The following RARS1 variants were observed in gnomAD, a reference collection of about 807,000 sequenced individuals.
The protein encoded by RARS1 is arginine--tRNA ligase, cytoplasmic.
Under a neutral mutation model 78.7 loss-of-function variants are expected in RARS1, and 75 were observed. The ratio of observed to expected loss-of-function variants is 0.95; its 90% CI spans 0.79 to 1.15. The LOEUF is 1.15. Ranked by LOEUF, RARS1 falls within the 50% of genes most tolerant of loss-of-function variation. The pLI is 0.00. For synonymous variants in RARS1, 273 were observed against 268.2 expected (o/e 1.02, Z -0.18); for missense variants, 787 against 787.5 (o/e 1.00, Z 0.01).
chr5:168,517,763 TAAA>T (rs1554123350), intron 13 of RARS1, 49 bp from the exon 14 acceptor site: 3 of 1,313,832 alleles, frequency 2.3e-6, no homozygotes, highest in Non-Finnish European at 3.1e-6. Flanking sequence ...TGAGTGTGCC[TAAA>T]AAAAGGGAAC....
chr5:168,498,070 A>G (rs1421339914), intron 7 of RARS1: 1 of 152,050 alleles, frequency 6.6e-6, no homozygotes, highest in Admixed American at 6.6e-5. Context: ...TCTACAAAAA[A>G]TACAAAAATA....
chr5:168,517,013 A>AT (rs1758679269), intron 13 of RARS1, 63 bp downstream of exon 13: 1 of 1,517,064 alleles, frequency 6.6e-7, no homozygotes, highest in Non-Finnish European at 9.0e-7. Context: ...TTACTCAAAA[A>AT]TATTTTCTTT....
At position 168,506,781 on chromosome 5, in the gene RARS1, A is replaced by T; in HGVS notation, c.1296A>T (p.Lys432Asn). 1 of 1,614,026 alleles carries T rather than the reference A, an allele frequency of 6.2e-7. No homozygotes were observed. Among genetic ancestry groups the T allele is most frequent in the East Asian group, 2.2e-5 (1 of 44,872 alleles). Reference sequence around the variant, plus strand: ...AAATGATTGGTTGGTATGACCCTAAAGTAACTCGAGTCTTCCATGCTGGAT... The same window carrying T: ...AAATGATTGGTTGGTATGACCCTAATGTAACTCGAGTCTTCCATGCTGGAT... ...AAQMIGWYDP[K>N]VTRVFHAGFG... is the part of the protein sequence containing the mutation. Residue 432 changes from lysine to asparagine, a missense_variant, in exon 11 of 15, where the codon AAA becomes AAT. Coordinates refer to ENST00000231572, the MANE Select transcript of RARS1 (RefSeq NM_002887.4).
chr5:168,487,141 TCACGATGTCA>T (rs947567353), intron 1 of RARS1, among the ~76,000 whole-genome samples: 6 of 151,980 alleles, frequency 3.9e-5, no homozygotes, highest in Non-Finnish European at 7.4e-5. Context: ...GGTGGGCGGA[TCACGATGTCA>T]GGAGATCGAG....
rs187709057 is a variant in RARS1, at chr5:168,501,864, A to G, written c.953-137A>G. On this transcript the variant is annotated intron_variant, in intron 8 of 14. Coordinates refer to ENST00000231572, the MANE Select transcript of RARS1 (RefSeq NM_002887.4). ...AATGACAGCATGTATATAATGTTCT[A>G]TATCATACATTTTTTATGTAATTAA... 32 of 1,319,000 alleles carry G rather than the reference A, an allele frequency of 2.4e-5. No individual in the cohort carries two copies. The African/African-American group carries it at 4.4e-4, about 18-fold the overall frequency. The allele number at this position is 1,319,000 out of a possible 1,614,324, so 81.7% of individuals were successfully genotyped here. A position where few individuals can be genotyped will look rare whatever the true frequency, so the allele number is the denominator to read the frequency against.
chr5:168,505,497 T>C (rs1157132150), intron 9 of RARS1, among the ~76,000 whole-genome samples: 1 of 152,156 alleles, frequency 6.6e-6, no homozygotes, highest in African/African-American at 2.4e-5. Context: ...TGCAGCTTTC[T>C]CCAAGAGGAA....
intron 4 of RARS1, 192 bp downstream of exon 4, chr5:168,494,194 T>G (rs1758137268): frequency 2.1e-6 from 2 of 959,216 alleles, no homozygotes. Context: ...CTGCCTTATC[T>G]TGAATGAGTT....
At chr5:168,496,494 T>G (rs1019844977) in intron 6 of RARS1, among the ~76,000 whole-genome samples, 1 of 151,882 alleles carries the variant, frequency 6.6e-6, no homozygotes, top group Admixed American at 6.6e-5. Context: ...ATCAACATTT[T>G]TTTTTGGAGA....
intron 10 of RARS1, 103 bp from the exon 11 acceptor site, chr5:168,506,619 G>C: frequency 1.2e-6 from 1 of 814,072 alleles, no homozygotes; most frequent in Non-Finnish European, 2.0e-6. Flanking sequence ...CAAGATTTAT[G>C]AGCGATTTGA....
intron 2 of RARS1, among the ~76,000 whole-genome samples, chr5:168,491,883 G>T (rs1758093116): frequency 6.7e-6 from 1 of 149,230 alleles, no homozygotes; most frequent in Admixed American, 6.7e-5. Context: ...ACATAAAATT[G>T]ACAAACATAA....
intron 11 of RARS1, among the ~76,000 whole-genome samples, chr5:168,508,978 G>T (rs146993729): frequency 1.3e-5 from 2 of 152,026 alleles, no homozygotes; most frequent in Non-Finnish European, 1.5e-5. Context: ...AGGTCTAAAG[G>T]GGGTATTAGG....
intron 14 of RARS1, 53 bp from the exon 15 acceptor site, chr5:168,519,028 T>G: frequency 6.8e-7 from 1 of 1,476,148 alleles, no homozygotes. Flanking sequence ...TCTTTAATAA[T>G]GATTTTCAAA....
chr5:168,512,377 C>T (rs12521577), intron 12 of RARS1, among the ~76,000 whole-genome samples: 26,199 of 151,812 alleles, frequency 0.17, 2,739 homozygotes, highest in Admixed American at 0.3. Context: ...GGCTGACTTA[C>T]GCTTAACTTT....
intron 2 of RARS1, among the ~76,000 whole-genome samples, chr5:168,489,701 A>G (rs1758042205): frequency 6.6e-6 from 1 of 151,978 alleles, no homozygotes. Flanking sequence ...GTGTGTATAT[A>G]TTACTGTCAG....
intron 12 of RARS1, among the ~76,000 whole-genome samples, chr5:168,514,616 G>A (rs1452720783): frequency 6.6e-6 from 1 of 152,068 alleles, no homozygotes; most frequent in Non-Finnish European, 1.5e-5. Flanking sequence ...CTTTCATTTA[G>A]TATCCCCAGA....
chr5:168,505,677 C>T (rs567540550), intron 9 of RARS1, among the ~76,000 whole-genome samples: 7 of 144,644 alleles, frequency 4.8e-5, no homozygotes, highest in Non-Finnish European at 7.4e-5. Context: ...AGTTTGAGAC[C>T]GGCCTGGGCA....
At chr5:168,504,555 G>C (rs1261970277) in intron 9 of RARS1, among the ~76,000 whole-genome samples, 1 of 150,252 alleles carries the variant, frequency 6.7e-6, no homozygotes, top group Non-Finnish European at 1.5e-5. Context: ...TGCCAGGCCC[G>C]GTGGCTCAGG....
intron 12 of RARS1, among the ~76,000 whole-genome samples, chr5:168,515,745 G>C (rs1003440128): frequency 6.6e-6 from 1 of 152,172 alleles, no homozygotes; most frequent in African/African-American, 2.4e-5. Context: ...GTGTGCTAAT[G>C]CCCTTCCATT....
chr5:168,504,180 G>T (rs1758387398), intron 9 of RARS1, among the ~76,000 whole-genome samples: 1 of 151,886 alleles, frequency 6.6e-6, no homozygotes, highest in Admixed American at 6.6e-5. Context: ...CCAGGAGTTT[G>T]AGGCCAGCCT....
Sources: gnomAD v4.1 joint callset for allele counts (sites outside exome capture counted in the v4.1 genomes callset) on GRCh38, gnomAD v4.1.1 for gene constraint, MANE v1.5 for transcripts, NCBI Gene and HGNC (gene_info 2026-07-23, HGNC 2026-07-21) for gene names.